Variants in FBXW7 observed in about 807,000 individuals in gnomAD.
FBXW7 encodes the protein F-box/WD repeat-containing protein 7.
A neutral mutation model predicts 86.3 loss-of-function variants in FBXW7; 11 were observed. The ratio of observed to expected loss-of-function variants is 0.13; its 90% CI spans 0.08 to 0.21. The LOEUF (loss-of-function observed/expected upper bound fraction) is 0.21, where lower values mean the gene tolerates loss of function less well. Among genes scored for constraint, FBXW7 ranks in the 10% least tolerant of loss-of-function variants. The pLI is 1.00. For synonymous variants in FBXW7, 313 were observed against 297.9 expected, an observed-to-expected ratio of 1.05 and a Z score of -0.52; for missense variants, 488 against 847.4, an observed-to-expected ratio of 0.58 and a Z score of 5.27.
intron 4 of FBXW7, among the ~76,000 whole-genome samples, chr4:152,402,667 T>C (rs1737051468): frequency 6.6e-6 from 1 of 152,204 alleles, no homozygotes; most frequent in South Asian, 2.1e-4. Flanking sequence ...ATCTCCATTA[T>C]GGGGTTAAAG....
intron 2 of FBXW7, among the ~76,000 whole-genome samples, chr4:152,437,576 T>C (rs1740494623): frequency 6.6e-6 from 1 of 152,210 alleles, no homozygotes; most frequent in African/African-American, 2.4e-5. Context: ...TTTAGAATAC[T>C]GCATACACTT....
At chr4:152,517,066 A>C (rs1469046976) in intron 2 of FBXW7, among the ~76,000 whole-genome samples, 1 of 151,694 alleles carries the variant, frequency 6.6e-6, no homozygotes. Flanking sequence ...CAAGCGATCC[A>C]CTCGCCTCAG....
At chr4:152,502,617 G>C (rs540430363) in intron 2 of FBXW7, among the ~76,000 whole-genome samples, 58 of 151,760 alleles carry the variant, frequency 3.8e-4, no homozygotes, top group Non-Finnish European at 6.2e-4. Flanking sequence ...TGGACAAGAG[G>C]AGGACACATT....
chr4:152,341,621 A>T lies in FBXW7; in HGVS notation c.727-3685T>A, dbSNP rs137923374. 9.9e-3 allele frequency among the ~76,000 whole-genome samples: 1,515 copies of T among 152,346 alleles called. 50 individuals carry two copies. Among genetic ancestry groups the T allele is most frequent in the Admixed American group, 0.062 (954 of 15,300 alleles). On this transcript the variant is annotated intron_variant, in intron 6 of 13. Coordinates refer to ENST00000281708, the MANE Select transcript of FBXW7 (RefSeq NM_001349798.2). ...AAGAATCAGGAAATACTCTCTCTAG[A>T]TTAATGCTATCATCTCAACTCTATC...
At chr4:152,363,228 AAAC>A (rs1200194742) in intron 4 of FBXW7, among the ~76,000 whole-genome samples, 3 of 152,196 alleles carry the variant, frequency 2.0e-5, no homozygotes, top group African/African-American at 7.2e-5. Flanking sequence ...CTAAACAATA[AAAC>A]AAGAGGGAGA....
chr4:152,496,573 G>A (rs1235144485), intron 2 of FBXW7, among the ~76,000 whole-genome samples: 1 of 151,896 alleles, frequency 6.6e-6, no homozygotes, highest in Non-Finnish European at 1.5e-5. Context: ...AGCTACTGGG[G>A]AGGCTGACGC....
At chr4:152,392,100 G>C (rs1478223891) in intron 4 of FBXW7, among the ~76,000 whole-genome samples, 4 of 152,086 alleles carry the variant, frequency 2.6e-5, no homozygotes, top group Non-Finnish European at 5.9e-5. Flanking sequence ...TAACATCAAA[G>C]ATATTATGAA....
intron 2 of FBXW7, among the ~76,000 whole-genome samples, chr4:152,481,027 A>G (rs2149669356): frequency 6.6e-6 from 1 of 152,346 alleles, no homozygotes; most frequent in East Asian, 1.9e-4. Context: ...ATAACTCTCT[A>G]CTGGAAGAAG....
chr4:152,383,182 A>G (rs1349812588), intron 4 of FBXW7, among the ~76,000 whole-genome samples: 1 of 152,190 alleles, frequency 6.6e-6, no homozygotes, highest in African/African-American at 2.4e-5. Context: ...ATTTATTTAT[A>G]AAGTAATCTA....
In FBXW7 at chr4:152,330,686, TA is replaced by T. The variant is rs1560765205; in HGVS notation, c.1122+45del. 7.5e-6 allele frequency: 12 copies of T among 1,590,782 alleles called. No individual in the cohort carries two copies. In the East Asian group the frequency reaches 2.5e-4, roughly 33 times the overall value. ...CCAAGTGAAATAGTACACTAGGTAC[TA>T]ACACTGATTAACGGTTTCTGTTACA... is the stretch of plus-strand genomic sequence containing the variant. On this transcript the variant is annotated intron_variant, in intron 9 of 13. Transcript: ENST00000281708.
intron 4 of FBXW7, among the ~76,000 whole-genome samples, chr4:152,353,159 C>T (rs35729379): frequency 0.014 from 2,086 of 152,264 alleles, 26 homozygotes; most frequent in Middle Eastern, 0.037. Context: ...TATTTTCATA[C>T]GGTCCCCCTG....
intron 2 of FBXW7, among the ~76,000 whole-genome samples, chr4:152,463,532 A>G (rs1454161358): frequency 6.6e-6 from 1 of 152,180 alleles, no homozygotes; most frequent in East Asian, 1.9e-4. Flanking sequence ...AGGGCTTGTG[A>G]CATGAGAATA....
chr4:152,437,591 G>A (rs1340332197), intron 2 of FBXW7, among the ~76,000 whole-genome samples: 3 of 152,182 alleles, frequency 2.0e-5, no homozygotes, highest in Non-Finnish European at 4.4e-5. Context: ...ACACTTAATT[G>A]ATAAACCAGC....
chr4:152,338,752 T>C, intron 6 of FBXW7, among the ~76,000 whole-genome samples: 1 of 152,144 alleles, frequency 6.6e-6, no homozygotes, highest in East Asian at 1.9e-4. Context: ...TTCAAAATGT[T>C]ACAATTTCAC....
intron 2 of FBXW7, among the ~76,000 whole-genome samples, chr4:152,521,968 C>T (rs951171223): frequency 2.0e-5 from 3 of 151,698 alleles, no homozygotes; most frequent in African/African-American, 4.8e-5. Context: ...TACAGGTGCA[C>T]GCCACCATGC....
chr4:152,395,095 ACAT>A (rs1484376885), intron 4 of FBXW7, among the ~76,000 whole-genome samples: 3 of 152,024 alleles, frequency 2.0e-5, no homozygotes, highest in African/African-American at 4.8e-5. Context: ...AGGACTCAGT[ACAT>A]CGTCAATTTT....
intron 5 of FBXW7, among the ~76,000 whole-genome samples, chr4:152,349,448 GAA>G (rs895690082): frequency 7.9e-5 from 12 of 151,910 alleles, no homozygotes; most frequent in Non-Finnish European, 1.6e-4. Context: ...GTGAGAGTGG[GAA>G]AAGTTTTATA....
intron 2 of FBXW7, among the ~76,000 whole-genome samples, chr4:152,476,742 A>G (rs996185633): frequency 1.3e-5 from 2 of 152,216 alleles, no homozygotes; most frequent in African/African-American, 4.8e-5. Flanking sequence ...AGAAATGAGC[A>G]GAAAATATTA....
At chr4:152,518,835 A>G (rs1213913371) in intron 2 of FBXW7, among the ~76,000 whole-genome samples, 1 of 152,232 alleles carries the variant, frequency 6.6e-6, no homozygotes, top group East Asian at 1.9e-4. Flanking sequence ...TAATGAAAAA[A>G]CAAAAATACA....
Sources: allele counts gnomAD v4.1 joint callset (sites outside exome capture counted in the v4.1 genomes callset), GRCh38; gene constraint gnomAD v4.1.1; transcripts MANE v1.5; gene names NCBI Gene and HGNC (gene_info 2026-07-23, HGNC 2026-07-21).